Variants in ELK3 observed in about 807,000 individuals in gnomAD.
ELK3 encodes the protein ETS transcription factor ELK3.
In ELK3, 10 loss-of-function variants were observed where a neutral mutation model predicts 28.9. The observed-to-expected ratio is 0.35, with a 90% CI of 0.21 to 0.59. The LOEUF is 0.59. ELK3 is among the 20% of genes least tolerant of loss of function. The pLI, the probability that ELK3 is intolerant of heterozygous loss-of-function variation, is 0.82. For synonymous variants in ELK3, 272 were observed against 243.5 expected (o/e 1.12, Z -1.09); for missense variants, 463 against 517.3 (o/e 0.90, Z 1.02).
intron 2 of ELK3, among the ~76,000 whole-genome samples, chr12:96,244,855 G>A (rs1360713743): frequency 9.2e-5 from 14 of 152,104 alleles, no homozygotes; most frequent in African/African-American, 3.1e-4. Flanking sequence ...CAGGGCACTC[G>A]GCAGAGACGC....
At position 96,209,960 on chromosome 12, in the gene ELK3, C is replaced by T. The variant is rs141146385; in HGVS notation, c.-2-13605C>T. Among the ~76,000 whole-genome samples the T allele has an allele frequency of 4.1e-3, 618 of 151,238 alleles. 3 individuals carry two copies. Among genetic ancestry groups the T allele is most frequent in the African/African-American group, 0.014 (580 of 41,154 alleles). On this transcript the variant is annotated intron_variant, in intron 1 of 4. Coordinates refer to ENST00000228741, the MANE Select transcript of ELK3 (RefSeq NM_005230.4). ...CATTTGACCAAGGCACAGAAGATCA[C>T]ACAACTTTTTAAGGTTTTGGCTGCA...
intron 1 of ELK3, among the ~76,000 whole-genome samples, chr12:96,199,299 C>T (rs1052219880): frequency 6.6e-6 from 1 of 152,152 alleles, no homozygotes; most frequent in African/African-American, 2.4e-5. Flanking sequence ...GTTTCATTTT[C>T]TATCAGTGGA....
intron 2 of ELK3, among the ~76,000 whole-genome samples, chr12:96,228,575 A>G (rs1350264971): frequency 6.6e-6 from 1 of 152,176 alleles, no homozygotes; most frequent in Non-Finnish European, 1.5e-5. Flanking sequence ...TAATGACTGA[A>G]GACAGATGAC....
intron 1 of ELK3, among the ~76,000 whole-genome samples, chr12:96,218,927 C>T (rs549489424): frequency 4.6e-5 from 7 of 152,192 alleles, no homozygotes; most frequent in East Asian, 3.9e-4. Flanking sequence ...GGATTACAGG[C>T]GTGAGCCACC....
chr12:96,239,097 A>G (rs567403797), intron 2 of ELK3, among the ~76,000 whole-genome samples: 76 of 152,324 alleles, frequency 5.0e-4, no homozygotes, highest in African/African-American at 1.7e-3. Flanking sequence ...AAAAGTCTTA[A>G]TTTGACAAGT....
chr12:96,233,455 G>T (rs921217340), intron 2 of ELK3, among the ~76,000 whole-genome samples: 7 of 152,168 alleles, frequency 4.6e-5, no homozygotes, highest in Non-Finnish European at 8.8e-5. Flanking sequence ...GCCTCACGAT[G>T]TACTGAACAA....
intron 1 of ELK3, among the ~76,000 whole-genome samples, chr12:96,196,163 A>G (rs1020487059): frequency 2.0e-5 from 3 of 152,032 alleles, no homozygotes; most frequent in African/African-American, 7.3e-5. Context: ...TCGGCACAGG[A>G]GGGGTTTTGT....
In ELK3 at chr12:96,229,040, C is replaced by A. The variant is rs192449081; in HGVS notation, c.207+5267C>A. On this transcript the variant is annotated intron_variant, in intron 2 of 4. Coordinates refer to ENST00000228741, the MANE Select transcript of ELK3 (RefSeq NM_005230.4). ...TGTATATAGCTGACTTCATCGTGGC[C>A]TTCTGGATGCACCACTTTTGTCGCT... is the stretch of plus-strand genomic sequence containing the variant. Among the ~76,000 whole-genome samples the A allele has an allele frequency of 2.1e-4, 32 of 152,274 alleles. No individual in the cohort carries two copies. The East Asian group carries it at 5.0e-3, about 24-fold the overall frequency.
Position 96,199,175 on chromosome 12 carries a change from T to C in ELK3, c.-3+4470T>C, listed in dbSNP as rs1358768795. On this transcript the variant is annotated intron_variant, in intron 1 of 4. Coordinates refer to ENST00000228741, the MANE Select transcript of ELK3 (RefSeq NM_005230.4). ...AAGTACAGGGCACTACACATGAAAA[T>C]AGAATGTTAAATGATGAAGAGAAAC... Among the ~76,000 whole-genome samples the C allele has an allele frequency of 2.0e-5, 3 of 152,204 alleles. No individual in the cohort carries two copies. In the East Asian group the frequency reaches 5.8e-4, roughly 29 times the overall value.
chr12:96,218,798 G>A (rs1367028687), intron 1 of ELK3, among the ~76,000 whole-genome samples: 1 of 151,796 alleles, frequency 6.6e-6, no homozygotes, highest in Non-Finnish European at 1.5e-5. Flanking sequence ...ACAGGCGCCC[G>A]CCACCACGCC....
intron 2 of ELK3, among the ~76,000 whole-genome samples, chr12:96,229,695 C>A (rs375785501): frequency 6.6e-6 from 1 of 151,932 alleles, no homozygotes; most frequent in Non-Finnish European, 1.5e-5. Flanking sequence ...CCACACCTGG[C>A]GAATTTTTGT....
At chr12:96,228,882 G>A (rs1295892787) in intron 2 of ELK3, among the ~76,000 whole-genome samples, 2 of 152,242 alleles carry the variant, frequency 1.3e-5, no homozygotes, top group Non-Finnish European at 2.9e-5. Context: ...TTGTCGGACT[G>A]TGTGAGGATG....
chr12:96,223,517 G>A, intron 1 of ELK3, 48 bp from the exon 2 acceptor site: 1 of 1,595,178 alleles, frequency 6.3e-7, no homozygotes, highest in Non-Finnish European at 8.6e-7. Flanking sequence ...CGCCAAGTTT[G>A]GTCGGCATCG....
At chr12:96,259,616 G>T in intron 3 of ELK3, 115 bp from the exon 4 acceptor site, 1 of 1,196,896 alleles carries the variant, frequency 8.4e-7, no homozygotes, top group Non-Finnish European at 1.1e-6. Context: ...TCCTGAGATG[G>T]TAAGGTCGTT....
chr12:96,236,329 A>G (rs144132090), intron 2 of ELK3, among the ~76,000 whole-genome samples: 70 of 152,272 alleles, frequency 4.6e-4, no homozygotes, highest in African/African-American at 1.4e-3. Flanking sequence ...GCAAGCCAGC[A>G]CTTCTCACTA....
intron 1 of ELK3, among the ~76,000 whole-genome samples, chr12:96,220,382 ATTTTTTT>A (rs35309478): frequency 4.0e-5 from 4 of 100,344 alleles, no homozygotes; most frequent in Non-Finnish European, 7.4e-5. Context: ...CTTTTTCGTG[ATTTTTTT>A]TTTTTTTTTT....
rs939695483 is a variant in ELK3, at chr12:96,269,414, T to A, written c.*2234T>A. On this transcript the variant is annotated 3_prime_UTR_variant, in exon 5 of 5. Coordinates refer to ENST00000228741, the MANE Select transcript of ELK3 (RefSeq NM_005230.4). ...ATGACTATAGATCTGATTCTTTCTT[T>A]TCCTTTGGAAACTGGGATTAATGTA... The A allele has an allele frequency of 6.6e-6, 1 of 152,246 alleles. No homozygotes were observed. The highest frequency in any genetic ancestry group is 1.5e-5 in the Non-Finnish European group (1 of 68,042). 9.4% of individuals were successfully genotyped at this position (152,246 alleles called of 1,614,324 possible).
chr12:96,207,741 A>G (rs1951547204), intron 1 of ELK3, among the ~76,000 whole-genome samples: 1 of 152,260 alleles, frequency 6.6e-6, no homozygotes, highest in Non-Finnish European at 1.5e-5. Flanking sequence ...AGTGGGACCC[A>G]AAGACTGGGT....
chr12:96,239,368 C>T (rs941746348), intron 2 of ELK3, among the ~76,000 whole-genome samples: 5 of 152,068 alleles, frequency 3.3e-5, no homozygotes, highest in Admixed American at 2.0e-4. Flanking sequence ...TTAGCAATGT[C>T]GTGTCCCCTG....
Sources: allele counts gnomAD v4.1 joint callset (sites outside exome capture counted in the v4.1 genomes callset), GRCh38; gene constraint gnomAD v4.1.1; transcripts MANE v1.5; gene names NCBI Gene and HGNC (gene_info 2026-07-23, HGNC 2026-07-21).